EYA1: variants seen among roughly 807,000 people sequenced by gnomAD.
EYA1 encodes protein phosphatase EYA1.
Under a neutral mutation model 82.0 loss-of-function variants are expected in EYA1, and 16 were observed. The observed-to-expected ratio is 0.20, with a 90% CI of 0.13 to 0.30. EYA1 has a LOEUF of 0.30. Among genes scored for constraint, EYA1 ranks in the 10% least tolerant of loss-of-function variants. EYA1 has a pLI of 1.00. For missense variants in EYA1, 633 were observed against 730.7 expected (o/e 0.87, Z 1.54); for synonymous variants, 261 against 264.4 (o/e 0.99, Z 0.12).
chr8:71,491,822 G>A (rs1811016268), intron 2 of EYA1, among the ~76,000 whole-genome samples: 1 of 152,162 alleles, frequency 6.6e-6, no homozygotes, highest in Non-Finnish European at 1.5e-5. Flanking sequence ...CCATGAAGGT[G>A]TGAGACACAT....
At chr8:71,361,361 AT>A (rs932517255) in intron 1 of EYA1, among the ~76,000 whole-genome samples, 2 of 152,224 alleles carry the variant, frequency 1.3e-5, no homozygotes, top group African/African-American at 4.8e-5. Context: ...CCTGCATTAC[AT>A]TTATCTAGAG....
At chr8:71,408,049 G>T (rs1830366126) in intron 2 of EYA1, among the ~76,000 whole-genome samples, 1 of 151,938 alleles carries the variant, frequency 6.6e-6, no homozygotes, top group Non-Finnish European at 1.5e-5. Flanking sequence ...CAAGCCAGAA[G>T]AGAGTGGGGG....
At chr8:71,421,854 T>G (rs1486336017) in intron 2 of EYA1, among the ~76,000 whole-genome samples, 1 of 152,146 alleles carries the variant, frequency 6.6e-6, no homozygotes, top group Non-Finnish European at 1.5e-5. Flanking sequence ...ATGAACAATG[T>G]AGTGTGTTGT....
intron 2 of EYA1, among the ~76,000 whole-genome samples, chr8:71,373,298 T>G (rs1726897620): frequency 6.6e-6 from 1 of 152,108 alleles, no homozygotes; most frequent in Admixed American, 6.5e-5. Flanking sequence ...AGTGGTAAGA[T>G]ACAAAATCAA....
At chr8:71,494,034 A>AAAAAAAAAAAAC (rs1563672025) in intron 2 of EYA1, among the ~76,000 whole-genome samples, 1 of 148,668 alleles carries the variant, frequency 6.7e-6, no homozygotes, top group African/African-American at 2.5e-5. Context: ...AAAAAAAAAA[A>AAAAAAAAAAAAC]AAAAAAAAAA....
At chr8:71,330,491 C>T (rs1823711856) in intron 4 of EYA1, among the ~76,000 whole-genome samples, 1 of 152,182 alleles carries the variant, frequency 6.6e-6, no homozygotes, top group South Asian at 2.1e-4. Context: ...TAACGAATTT[C>T]CTTTCCTTCC....
chr8:71,446,583 A>G (rs1355038486), intron 2 of EYA1, among the ~76,000 whole-genome samples: 1 of 152,256 alleles, frequency 6.6e-6, no homozygotes, highest in Non-Finnish European at 1.5e-5. Context: ...GCATATGATG[A>G]TAAAAATTTT....
intron 2 of EYA1, among the ~76,000 whole-genome samples, chr8:71,482,379 G>T (rs1025751670): frequency 6.6e-6 from 1 of 152,198 alleles, no homozygotes; most frequent in Non-Finnish European, 1.5e-5. Flanking sequence ...TAAAGTTAAA[G>T]AACTAGTATC....
chr8:71,203,312 C>T (rs1297126959), intron 17 of EYA1, among the ~76,000 whole-genome samples: 1 of 152,096 alleles, frequency 6.6e-6, no homozygotes, highest in Non-Finnish European at 1.5e-5. Context: ...ACAGTAGATA[C>T]GTAATACACA....
At chr8:71,529,996 T>C (rs1319179788) in intron 2 of EYA1, 1 of 152,160 alleles carries the variant, frequency 6.6e-6, no homozygotes, top group Non-Finnish European at 1.5e-5. Flanking sequence ...CACACTCTTA[T>C]TAGTTTTTGT....
intron 2 of EYA1, among the ~76,000 whole-genome samples, chr8:71,401,056 T>A (rs1476885497): frequency 6.6e-6 from 1 of 152,186 alleles, no homozygotes; most frequent in African/African-American, 2.4e-5. Context: ...AAACACTGCA[T>A]GTTCTCAATT....
At chr8:71,418,426 G>A (rs1830969190) in intron 2 of EYA1, among the ~76,000 whole-genome samples, 1 of 152,018 alleles carries the variant, frequency 6.6e-6, no homozygotes, top group South Asian at 2.1e-4. Flanking sequence ...ACTTGTACCT[G>A]AACCCATTTT....
intron 11 of EYA1, among the ~76,000 whole-genome samples, chr8:71,249,736 C>A (rs1813520709): frequency 6.6e-6 from 1 of 152,166 alleles, no homozygotes; most frequent in South Asian, 2.1e-4. Context: ...ACCACCCACT[C>A]CCCTCTATCA....
At chr8:71,291,043 G>A (rs1818940642) in intron 9 of EYA1, among the ~76,000 whole-genome samples, 1 of 152,182 alleles carries the variant, frequency 6.6e-6, no homozygotes, top group South Asian at 2.1e-4. Context: ...GTGAAAATGA[G>A]CAAGTATGGC....
intron 11 of EYA1, among the ~76,000 whole-genome samples, chr8:71,260,901 G>A (rs1815020242): frequency 6.6e-6 from 1 of 152,166 alleles, no homozygotes; most frequent in African/African-American, 2.4e-5. Context: ...CTCATTCAGT[G>A]CACCTTAAAC....
At chr8:71,450,373 T>C (rs1807261904) in intron 2 of EYA1, among the ~76,000 whole-genome samples, 7 of 152,140 alleles carry the variant, frequency 4.6e-5, no homozygotes, top group Admixed American at 4.6e-4. Flanking sequence ...AATTTGACTA[T>C]TGTTGTGTCT....
intron 2 of EYA1, among the ~76,000 whole-genome samples, chr8:71,426,417 G>C (rs1364289064): frequency 1.3e-5 from 2 of 152,242 alleles, no homozygotes; most frequent in African/African-American, 4.8e-5. Flanking sequence ...TTCTTGCCAA[G>C]GAAGTATCAC....
chr8:71,264,075 C>T (rs1815472507), intron 11 of EYA1, among the ~76,000 whole-genome samples: 1 of 152,168 alleles, frequency 6.6e-6, no homozygotes, highest in South Asian at 2.1e-4. Flanking sequence ...TGTTGCTTTA[C>T]AGAAAATGTT....
intron 2 of EYA1, among the ~76,000 whole-genome samples, chr8:71,412,142 C>T (rs1830626866): frequency 1.5e-5 from 2 of 134,324 alleles, no homozygotes; most frequent in African/African-American, 5.6e-5. Context: ...AAAAACCAAA[C>T]ACCGCATATT....
Sources: gnomAD v4.1 joint callset for allele counts (sites outside exome capture counted in the v4.1 genomes callset) on GRCh38, gnomAD v4.1.1 for gene constraint, MANE v1.5 for transcripts, NCBI Gene and HGNC (gene_info 2026-07-23, HGNC 2026-07-21) for gene names.